CC2D2A: variants seen among roughly 807,000 people sequenced by gnomAD.
CC2D2A encodes the protein coiled-coil and C2 domain-containing protein 2A.
In CC2D2A, 155 loss-of-function variants were observed where a neutral mutation model predicts 212.9. The ratio of observed to expected loss-of-function variants is 0.73; its 90% CI spans 0.64 to 0.83. CC2D2A has a LOEUF of 0.83. Among genes scored for constraint, CC2D2A ranks in the 40% least tolerant of loss-of-function variants. The probability of loss-of-function intolerance (pLI) is 0.00; values close to 1 mark genes in which losing one functional copy is unlikely to be tolerated. For synonymous variants in CC2D2A, 667 were observed against 686.5 expected (o/e 0.97, Z 0.44); for missense variants, 1,856 against 1,956.2 (o/e 0.95, Z 0.97).
intron 10 of CC2D2A, 118 bp downstream of exon 10, chr4:15,516,122 G>C: frequency 9.3e-7 from 1 of 1,070,896 alleles, no homozygotes. Flanking sequence ...GTTATCCACA[G>C]AAAGTGGTTC....
At chr4:15,575,980 G>A (rs933643168) in intron 29 of CC2D2A, among the ~76,000 whole-genome samples, 2 of 152,276 alleles carry the variant, frequency 1.3e-5, no homozygotes, top group East Asian at 1.9e-4. Flanking sequence ...CATCCCTCAC[G>A]GGCCCTGACT....
chr4:15,545,543 T>C (rs1718666789), intron 17 of CC2D2A, among the ~76,000 whole-genome samples: 1 of 152,034 alleles, frequency 6.6e-6, no homozygotes, highest in African/African-American at 2.4e-5. Context: ...AAAGGAGCAG[T>C]GTAGACTGTG....
In CC2D2A at chr4:15,586,093, G is replaced by A. The variant is rs1577396259; in HGVS notation, c.3976-64G>A. On this transcript the variant is annotated intron_variant, in intron 30 of 36. Transcript: ENST00000424120. ...TAATATTTGAGATTTAAGAAATGAG[G>A]TAGGGGATGCAGCATTCTGTTTTAT... The A allele has an allele frequency of 7.4e-6, 8 of 1,074,808 alleles. No individual in the cohort carries two copies. The East Asian group carries it at 1.7e-4, about 22-fold the overall frequency. 66.6% of individuals were successfully genotyped at this position (1,074,808 alleles called of 1,614,324 possible). A position where few individuals can be genotyped will look rare whatever the true frequency, so the allele number is the denominator to read the frequency against.
chr4:15,595,317 G>A (rs940679556), intron 33 of CC2D2A, among the ~76,000 whole-genome samples: 3 of 152,156 alleles, frequency 2.0e-5, no homozygotes, highest in African/African-American at 7.2e-5. Context: ...AGATACAATG[G>A]TAAATAAGGC....
At chr4:15,489,136 GA>G (rs761879523) in intron 4 of CC2D2A, among the ~76,000 whole-genome samples, 2 of 152,144 alleles carry the variant, frequency 1.3e-5, no homozygotes, top group Non-Finnish European at 2.9e-5. Context: ...CAACATTTCA[GA>G]GCCAATTTGT....
intron 28 of CC2D2A, among the ~76,000 whole-genome samples, chr4:15,572,432 A>G (rs1218747474): frequency 1.3e-5 from 2 of 152,002 alleles, no homozygotes; most frequent in Non-Finnish European, 2.9e-5. Context: ...TGACTTTATT[A>G]CTTCTGTCAT....
At chr4:15,578,125 T>TA (rs1270603241) in intron 29 of CC2D2A, among the ~76,000 whole-genome samples, 5 of 152,368 alleles carry the variant, frequency 3.3e-5, no homozygotes, top group African/African-American at 1.2e-4. Flanking sequence ...TGTATGAGCT[T>TA]ACCTCTTTCA....
chr4:15,534,781 C>T (rs1718034365), intron 14 of CC2D2A, among the ~76,000 whole-genome samples: 1 of 151,778 alleles, frequency 6.6e-6, no homozygotes, highest in Admixed American at 6.6e-5. Context: ...GCTTAGTTTT[C>T]AGGACAAGTA....
chr4:15,575,875 A>G (rs1318356577), intron 29 of CC2D2A, among the ~76,000 whole-genome samples: 1 of 152,260 alleles, frequency 6.6e-6, no homozygotes. Flanking sequence ...ACAGGCAGTC[A>G]GCTAGGACCC....
intron 33 of CC2D2A, among the ~76,000 whole-genome samples, chr4:15,592,051 C>T (rs372964850): frequency 5.1e-4 from 78 of 152,296 alleles, no homozygotes; most frequent in African/African-American, 1.8e-3. Flanking sequence ...GAAACCTCAA[C>T]TGCCCTCTAC....
At chr4:15,580,321 A>G in intron 30 of CC2D2A, 150 bp downstream of exon 30, 1 of 701,668 alleles carries the variant, frequency 1.4e-6, no homozygotes, top group South Asian at 2.0e-5. Context: ...CATTTTTATT[A>G]ACATGAGGTT....
At chr4:15,584,658 A>C (rs1720787904) in intron 30 of CC2D2A, among the ~76,000 whole-genome samples, 1 of 152,242 alleles carries the variant, frequency 6.6e-6, no homozygotes, top group African/African-American at 2.4e-5. Context: ...AGATTACATC[A>C]ATCTAAAAAG....
Position 15,540,906 on chromosome 4 carries a change from G to A in CC2D2A, c.2073G>A (p.Lys691=). Residue 691 remains lysine (K), a synonymous_variant, in exon 17 of 37, where the codon AAG becomes AAA. Coordinates refer to ENST00000424120, the MANE Select transcript of CC2D2A (RefSeq NM_001378615.1). ...SVYLKVLFNN[K]EVSRTVSRPL... Reference sequence around the variant, plus strand: ...ACTTAAAAGTGCTGTTCAACAACAAGGAGGTGTCCAGGACAGTCAGTCGGC... The same window carrying A: ...ACTTAAAAGTGCTGTTCAACAACAAAGAGGTGTCCAGGACAGTCAGTCGGC... 6.3e-7 allele frequency: 1 copy of A among 1,588,748 alleles called. No individual in the cohort carries two copies. The highest frequency in any genetic ancestry group is 8.6e-7 in the Non-Finnish European group (1 of 1,167,326).
intron 12 of CC2D2A, among the ~76,000 whole-genome samples, chr4:15,528,013 A>C (rs899938838): frequency 6.6e-6 from 1 of 152,212 alleles, no homozygotes; most frequent in Non-Finnish European, 1.5e-5. Flanking sequence ...AAACATTCTC[A>C]TCTTGATATT....
chr4:15,492,593 G>T, intron 4 of CC2D2A: 1 of 410,192 alleles, frequency 2.4e-6, no homozygotes, highest in South Asian at 2.5e-5. Flanking sequence ...TCTTCAGGGG[G>T]TCTGCATGGA....
intron 33 of CC2D2A, among the ~76,000 whole-genome samples, chr4:15,594,531 A>C (rs1234752263): frequency 1.3e-5 from 2 of 152,084 alleles, no homozygotes; most frequent in African/African-American, 4.8e-5. Context: ...TCTGGGATGC[A>C]GTGCAATGAC....
chr4:15,505,522 CA>C (rs1716209327), intron 6 of CC2D2A, among the ~76,000 whole-genome samples: 2 of 152,176 alleles, frequency 1.3e-5, no homozygotes, highest in Admixed American at 1.3e-4. Context: ...CCAGTGATGA[CA>C]GTGACAGCTC....
At chr4:15,536,899 G>A (rs1442869656) in intron 14 of CC2D2A, 21 bp from the exon 15 acceptor site, 3 of 1,607,816 alleles carry the variant, frequency 1.9e-6, no homozygotes, top group Admixed American at 1.7e-5. Context: ...AATAACCAAG[G>A]GACTACAAAT....
intron 17 of CC2D2A, among the ~76,000 whole-genome samples, chr4:15,549,883 G>C (rs1718908116): frequency 6.6e-6 from 1 of 152,196 alleles, no homozygotes; most frequent in Non-Finnish European, 1.5e-5. Context: ...GTGCATTCAA[G>C]TGGTAAGTGG....
Sources: allele counts gnomAD v4.1 joint callset (sites outside exome capture counted in the v4.1 genomes callset), GRCh38; gene constraint gnomAD v4.1.1; transcripts MANE v1.5; gene names NCBI Gene and HGNC (gene_info 2026-07-23, HGNC 2026-07-21).